VAT1L: variants seen among roughly 807,000 people sequenced by gnomAD.
VAT1L encodes the protein vesicle amine transport 1 like, also known as putative NADPH-dependent quinone oxidoreductase VAT1L.
Under a neutral mutation model 44.1 loss-of-function variants are expected in VAT1L, and 34 were observed. The ratio of observed to expected loss-of-function variants is 0.77; its 90% CI spans 0.59 to 1.03. The LOEUF is 1.03. VAT1L is among the 50% of genes least tolerant of loss of function. The probability of loss-of-function intolerance (pLI) is 0.00; values close to 1 mark genes in which losing one functional copy is unlikely to be tolerated. For missense variants in VAT1L, 615 were observed against 538.8 expected, an observed-to-expected ratio of 1.14 and a Z score of -1.40; for synonymous variants, 253 against 202.2, an observed-to-expected ratio of 1.25 and a Z score of -2.13.
At chr16:77,829,276 T>C (rs1169877605) in intron 3 of VAT1L, among the ~76,000 whole-genome samples, 6 of 152,162 alleles carry the variant, frequency 3.9e-5, no homozygotes, top group African/African-American at 1.4e-4. Context: ...TTGGTGTCGA[T>C]GAGATGACAA....
At chr16:77,821,812 G>A (rs1490293036) in intron 2 of VAT1L, among the ~76,000 whole-genome samples, 2 of 152,046 alleles carry the variant, frequency 1.3e-5, no homozygotes, top group Non-Finnish European at 2.9e-5. Context: ...AAGAAGAGAT[G>A]TCAGTTCTGC....
intron 8 of VAT1L, among the ~76,000 whole-genome samples, chr16:77,974,001 G>A (rs1297200397): frequency 1.3e-5 from 2 of 152,230 alleles, no homozygotes; most frequent in African/African-American, 2.4e-5. Flanking sequence ...ACAGGCATGA[G>A]CCACCGCACC....
chr16:77,975,168 G>A (rs1000923390), intron 8 of VAT1L, among the ~76,000 whole-genome samples: 4 of 138,852 alleles, frequency 2.9e-5, no homozygotes, highest in African/African-American at 1.1e-4. Context: ...CGCCTGCAGA[G>A]GTGCTTTCTC....
intron 7 of VAT1L, among the ~76,000 whole-genome samples, chr16:77,890,623 C>A (rs924420863): frequency 2.2e-4 from 34 of 152,082 alleles, no homozygotes; most frequent in South Asian, 8.3e-4. Flanking sequence ...TTTAAATGTT[C>A]ATTGAAGACC....
chr16:77,952,909 C>A (rs950547715), intron 7 of VAT1L, among the ~76,000 whole-genome samples: 1 of 147,896 alleles, frequency 6.8e-6, no homozygotes, highest in Non-Finnish European at 1.5e-5. Context: ...GGAGAGTGTC[C>A]CCCTAAATCC....
chr16:77,797,905 T>A (rs975901803), intron 1 of VAT1L, among the ~76,000 whole-genome samples: 1 of 152,246 alleles, frequency 6.6e-6, no homozygotes, highest in African/African-American at 2.4e-5. Flanking sequence ...ATACAGAAAA[T>A]TGGTTGGAGC....
Position 77,788,641 on chromosome 16 carries a change from C to T in VAT1L, c.-42C>T, listed in dbSNP as rs1219390779. 3.9e-6 allele frequency: 6 copies of T among 1,542,964 alleles called. No individual in the cohort carries two copies. Among genetic ancestry groups the T allele is most frequent in the Non-Finnish European group, 5.2e-6 (6 of 1,143,934 alleles). Reference sequence around the variant, plus strand: ...CCCCACTCCCCCAGCGCCGCAGCCACCGCAGCCACCGCAGCCCGTGCGCCC... The same window carrying T: ...CCCCACTCCCCCAGCGCCGCAGCCATCGCAGCCACCGCAGCCCGTGCGCCC... On this transcript the variant is annotated 5_prime_UTR_variant, in exon 1 of 9. Transcript: ENST00000302536.
In VAT1L at chr16:77,884,543, T is replaced by C; in HGVS notation, c.883-65T>C. 2 of 1,513,980 alleles carry C rather than the reference T, an allele frequency of 1.3e-6. No individual in the cohort carries two copies. Among genetic ancestry groups the C allele is most frequent in the Non-Finnish European group, 9.0e-7 (1 of 1,115,886 alleles). The allele number at this position is 1,513,980 out of a possible 1,614,324, so 93.8% of individuals were successfully genotyped here. A position where few individuals can be genotyped will look rare whatever the true frequency, so the allele number is the denominator to read the frequency against. On this transcript the variant is annotated intron_variant, in intron 6 of 8. Transcript: ENST00000302536. This position sits in a 1 kb window ranked among gnomAD's most constrained non-coding sequence, Gnocchi z 4.5. ...CTGTAGTAGCTGATGACATCAGCAATGCTGCCAATGTAGGCTTAACCCCGG... is the reference window on the plus strand; with the variant it reads ...CTGTAGTAGCTGATGACATCAGCAACGCTGCCAATGTAGGCTTAACCCCGG...
At chr16:77,905,753 T>A (rs907506236) in intron 7 of VAT1L, among the ~76,000 whole-genome samples, 3 of 152,174 alleles carry the variant, frequency 2.0e-5, no homozygotes, top group African/African-American at 7.2e-5. Flanking sequence ...ATCACCTGTG[T>A]TTGTGCGTCC....
At chr16:77,801,498 G>A (rs1567467643) in intron 1 of VAT1L, 1 of 152,080 alleles carries the variant, frequency 6.6e-6, no homozygotes, top group Non-Finnish European at 1.5e-5. Flanking sequence ...TTACCCTTAG[G>A]ATGAGGTTTG....
In VAT1L at chr16:77,788,564, A is replaced by G. The variant is rs575556876; in HGVS notation, c.-119A>G. On this transcript the variant is annotated 5_prime_UTR_variant, in exon 1 of 9. Transcript: ENST00000302536. ...GGCGGCGCTCGCAGAGGCTGCAGCC[A>G]TTGCACAGCCGAGCATCCCACATTC... The G allele has an allele frequency of 1.4e-4, 169 of 1,185,192 alleles. No individual in the cohort carries two copies. Among genetic ancestry groups the G allele is most frequent in the South Asian group, 6.1e-4 (41 of 67,250 alleles). 73.4% of individuals were successfully genotyped at this position (1,185,192 alleles called of 1,614,324 possible).
chr16:77,867,148 C>A (rs1206862720), intron 4 of VAT1L, among the ~76,000 whole-genome samples: 1 of 152,130 alleles, frequency 6.6e-6, no homozygotes, highest in Non-Finnish European at 1.5e-5. Context: ...GAGGTAGGAA[C>A]AGATTTGGCC....
chr16:77,973,716 T>C (rs1385715512), intron 8 of VAT1L, among the ~76,000 whole-genome samples: 1 of 151,798 alleles, frequency 6.6e-6, no homozygotes, highest in East Asian at 1.9e-4. Flanking sequence ...CATATTGTCA[T>C]GTAAAGTGTT....
intron 1 of VAT1L, among the ~76,000 whole-genome samples, chr16:77,811,983 G>A (rs1280387708): frequency 6.6e-6 from 1 of 152,096 alleles, no homozygotes; most frequent in Non-Finnish European, 1.5e-5. Context: ...CAGAGACTCA[G>A]CCAAACTCCA....
intron 7 of VAT1L, among the ~76,000 whole-genome samples, chr16:77,942,388 G>C (rs185432690): frequency 6.6e-6 from 1 of 152,260 alleles, no homozygotes; most frequent in Admixed American, 6.5e-5. Flanking sequence ...TGCAATTCAA[G>C]ATGAGATTTG....
At chr16:77,941,690 A>G (rs2017885943) in intron 7 of VAT1L, among the ~76,000 whole-genome samples, 1 of 151,976 alleles carries the variant, frequency 6.6e-6, no homozygotes, top group Non-Finnish European at 1.5e-5. Flanking sequence ...GGTTTAAGCT[A>G]TTGTCCTGCC....
At chr16:77,819,186 G>T (rs1158503500) in intron 2 of VAT1L, among the ~76,000 whole-genome samples, 1 of 152,066 alleles carries the variant, frequency 6.6e-6, no homozygotes, top group Non-Finnish European at 1.5e-5. Context: ...TGTAGTGATG[G>T]CCATGAGCAC....
intron 7 of VAT1L, among the ~76,000 whole-genome samples, chr16:77,901,026 A>G (rs2017376457): frequency 6.6e-6 from 1 of 152,178 alleles, no homozygotes; most frequent in African/African-American, 2.4e-5. Context: ...GCAAGCATCA[A>G]GTTCAAAAGG....
intron 2 of VAT1L, among the ~76,000 whole-genome samples, chr16:77,820,745 T>G (rs1202165231): frequency 6.6e-6 from 1 of 152,212 alleles, no homozygotes; most frequent in African/African-American, 2.4e-5. Context: ...TCATTATTAG[T>G]CATGAACTTC....
Sources: gnomAD v4.1 joint callset for allele counts (sites outside exome capture counted in the v4.1 genomes callset) on GRCh38, gnomAD v4.1.1 for gene constraint, Gnocchi (gnomAD v3.1) non-coding constraint, MANE v1.5 for transcripts, NCBI Gene and HGNC (gene_info 2026-07-23, HGNC 2026-07-21) for gene names.